The following ASIC2 variants were observed in gnomAD, a reference collection of about 807,000 sequenced individuals.
The protein encoded by ASIC2 is acid sensing ion channel subunit 2, also known as acid-sensing ion channel 2.
In ASIC2, 25 loss-of-function variants were observed where a neutral mutation model predicts 57.3. The ratio of observed to expected loss-of-function variants is 0.44; its 90% CI spans 0.32 to 0.61. ASIC2 has a LOEUF of 0.61. Ranked by LOEUF, ASIC2 falls within the 20% of genes least tolerant of loss-of-function variation. The probability of loss-of-function intolerance (pLI) is 0.06; values close to 1 mark genes in which losing one functional copy is unlikely to be tolerated. For missense variants in ASIC2, 641 were observed against 738.1 expected (o/e 0.87, Z 1.52); for synonymous variants, 319 against 307.5 (o/e 1.04, Z -0.39).
chr17:33,403,355 A>T (rs1910350052), intron 1 of ASIC2, among the ~76,000 whole-genome samples: 1 of 152,176 alleles, frequency 6.6e-6, no homozygotes, highest in African/African-American at 2.4e-5. Flanking sequence ...CTCAGTCAGA[A>T]TTACTTTCCC....
At chr17:34,125,132 T>C (rs1911740418) in intron 1 of ASIC2, among the ~76,000 whole-genome samples, 1 of 151,724 alleles carries the variant, frequency 6.6e-6, no homozygotes, top group African/African-American at 2.4e-5. Flanking sequence ...TCCTTCTTCC[T>C]CCGTGTCCCC....
intron 1 of ASIC2, among the ~76,000 whole-genome samples, chr17:33,341,775 C>T (rs1461928453): frequency 2.0e-5 from 3 of 152,166 alleles, no homozygotes; most frequent in Non-Finnish European, 4.4e-5. Context: ...GTTGTGGATA[C>T]ACAGTTGAGA....
At chr17:33,164,614 A>G (rs1451000497) in intron 1 of ASIC2, among the ~76,000 whole-genome samples, 1 of 151,934 alleles carries the variant, frequency 6.6e-6, no homozygotes, top group Non-Finnish European at 1.5e-5. Context: ...TTATACACAC[A>G]TGGTTATGCA....
intron 1 of ASIC2, among the ~76,000 whole-genome samples, chr17:33,574,134 C>T (rs983903534): frequency 1.3e-5 from 2 of 152,184 alleles, no homozygotes; most frequent in Non-Finnish European, 2.9e-5. Flanking sequence ...TAAATAATAC[C>T]GAACTGCTCT....
chr17:33,094,293 G>T lies in ASIC2; in HGVS notation c.860-5303C>A, dbSNP rs1384222752. Among the ~76,000 whole-genome samples the T allele has an allele frequency of 2.0e-5, 3 of 152,130 alleles. No individual in the cohort carries two copies. The East Asian group carries it at 5.8e-4, about 29-fold the overall frequency. ...CTGGGTCACTGTGGGTTAGCTGCATGTCACTTTGGAAGGCCACAGCTCCGG... is the reference window on the plus strand; with the variant it reads ...CTGGGTCACTGTGGGTTAGCTGCATTTCACTTTGGAAGGCCACAGCTCCGG... On this transcript the variant is annotated intron_variant, in intron 2 of 9. Coordinates refer to ENST00000225823, the MANE Select transcript of ASIC2 (RefSeq NM_183377.2).
chr17:33,991,399 C>T (rs1407316717), intron 1 of ASIC2, among the ~76,000 whole-genome samples: 1 of 152,226 alleles, frequency 6.6e-6, no homozygotes, highest in Non-Finnish European at 1.5e-5. Flanking sequence ...TACACTACCA[C>T]TGTGTCTTTT....
intron 1 of ASIC2, among the ~76,000 whole-genome samples, chr17:33,399,822 G>A (rs1229783612): frequency 1.3e-5 from 2 of 152,156 alleles, no homozygotes; most frequent in Non-Finnish European, 2.9e-5. Context: ...GTGGTGGGCA[G>A]GACCACACCG....
chr17:33,714,221 C>T (rs1006914147), intron 1 of ASIC2, among the ~76,000 whole-genome samples: 10 of 152,126 alleles, frequency 6.6e-5, no homozygotes, highest in African/African-American at 1.2e-4. Flanking sequence ...CAATTTCACC[C>T]GTACATATAC....
At chr17:33,341,656 T>C (rs1381288792) in intron 1 of ASIC2, among the ~76,000 whole-genome samples, 2 of 152,224 alleles carry the variant, frequency 1.3e-5, no homozygotes, top group Admixed American at 6.5e-5. Flanking sequence ...GTAGCTACCT[T>C]AACTATAGTT....
intron 1 of ASIC2, among the ~76,000 whole-genome samples, chr17:33,575,484 T>C (rs72825292): frequency 0.012 from 1,895 of 152,294 alleles, 20 homozygotes; most frequent in Non-Finnish European, 0.02. Flanking sequence ...AATAGGTAAC[T>C]CTCCTTCTTT....
chr17:33,925,209 A>G (rs1399644704), intron 1 of ASIC2, among the ~76,000 whole-genome samples: 1 of 152,252 alleles, frequency 6.6e-6, no homozygotes, highest in Non-Finnish European at 1.5e-5. Flanking sequence ...TCCAATGCTC[A>G]TTTCTCATCT....
At chr17:33,998,661 A>C (rs1455004062) in intron 1 of ASIC2, among the ~76,000 whole-genome samples, 1 of 152,068 alleles carries the variant, frequency 6.6e-6, no homozygotes, top group African/African-American at 2.4e-5. Flanking sequence ...TTAATTTCCA[A>C]ATATTTGTGA....
intron 1 of ASIC2, among the ~76,000 whole-genome samples, chr17:33,650,206 C>T (rs994894104): frequency 6.6e-6 from 1 of 152,072 alleles, no homozygotes; most frequent in African/African-American, 2.4e-5. Context: ...AGAGAATATA[C>T]AGATGGCAAA....
Position 33,578,872 on chromosome 17 carries a change from A to G in ASIC2, c.556-466805T>C, listed in dbSNP as rs118173503. Among the ~76,000 whole-genome samples, 878 of 152,324 alleles carry G rather than the reference A, an allele frequency of 5.8e-3. 6 individuals carry two copies. Among genetic ancestry groups the G allele is most frequent in the Non-Finnish European group, 9.7e-3 (663 of 68,036 alleles). On this transcript the variant is annotated intron_variant, in intron 1 of 9. Transcript: ENST00000359872. ...AACATTGGGGTCTGTGACCTGAAAC[A>G]GTGACCGTGGTAAAACCCTGCCACA...
chr17:33,212,690 C>T (rs1031852227), intron 1 of ASIC2, among the ~76,000 whole-genome samples: 1 of 152,206 alleles, frequency 6.6e-6, no homozygotes, highest in Admixed American at 6.5e-5. Context: ...ATGGGCTGGC[C>T]TGCAGGTGTC....
intron 1 of ASIC2, among the ~76,000 whole-genome samples, chr17:33,951,911 T>C (rs1467841): frequency 0.67 from 102,138 of 151,946 alleles, 34,570 homozygotes; most frequent in Non-Finnish European, 0.71. Context: ...CCTTTCTTAC[T>C]GAAAGAACCC....
chr17:33,575,997 G>A (rs1003717547), intron 1 of ASIC2, among the ~76,000 whole-genome samples: 23 of 152,136 alleles, frequency 1.5e-4, no homozygotes, highest in Non-Finnish European at 1.8e-4. Flanking sequence ...TATTTATAGC[G>A]ATCCAATGCA....
intron 1 of ASIC2, chr17:34,080,929 C>T (rs1458343488): frequency 6.6e-6 from 1 of 152,126 alleles, no homozygotes; most frequent in Non-Finnish European, 1.5e-5. Flanking sequence ...AAAAATTAGT[C>T]CCTGCTCATT....
chr17:33,764,578 A>C (rs1375357260), intron 1 of ASIC2, among the ~76,000 whole-genome samples: 1 of 152,182 alleles, frequency 6.6e-6, no homozygotes, highest in Non-Finnish European at 1.5e-5. Context: ...ATGGGGCATC[A>C]CATGGCGAGG....
Sources: allele counts gnomAD v4.1 joint callset (sites outside exome capture counted in the v4.1 genomes callset), GRCh38; gene constraint gnomAD v4.1.1; transcripts MANE v1.5; gene names NCBI Gene and HGNC (gene_info 2026-07-23, HGNC 2026-07-21).